SEMA5A: variants seen among roughly 807,000 people sequenced by gnomAD.
SEMA5A encodes semaphorin-5A.
SEMA5A carries 55 observed loss-of-function variants against 135.5 expected under a neutral mutation model. That is an observed-to-expected ratio of 0.41 (90% CI 0.33 to 0.51). The LOEUF is 0.51. SEMA5A is among the 20% of genes least tolerant of loss of function. The pLI, the probability that SEMA5A is intolerant of heterozygous loss-of-function variation, is 0.37. For synonymous variants in SEMA5A, 580 were observed against 546.5 expected, an observed-to-expected ratio of 1.06 and a Z score of -0.85; for missense variants, 1,290 against 1,419.9, an observed-to-expected ratio of 0.91 and a Z score of 1.47.
At chr5:9,468,456 GT>G (rs2126746896) in intron 1 of SEMA5A, among the ~76,000 whole-genome samples, 1 of 152,194 alleles carries the variant, frequency 6.6e-6, no homozygotes, top group South Asian at 2.1e-4. Flanking sequence ...CTTAGTGGGG[GT>G]TTTAATCCTT....
At chr5:9,366,175 C>T (rs991522755) in intron 3 of SEMA5A, among the ~76,000 whole-genome samples, 14 of 152,124 alleles carry the variant, frequency 9.2e-5, no homozygotes, top group Non-Finnish European at 1.8e-4. Flanking sequence ...GAATCATTTG[C>T]TTCTAGGTAG....
In SEMA5A at chr5:9,128,096, T is replaced by C. The variant is rs529736565; in HGVS notation, c.1600-5259A>G. The stretch of plus-strand genomic sequence containing the variant: ...AATGGATTTTTATGAAGAAAGTACT[T>C]TGAAAAAAAGAGGATTTGCATTCAT... On this transcript the variant is annotated intron_variant, in intron 13 of 22. Transcript: ENST00000382496. Among the ~76,000 whole-genome samples, 5 of 152,288 alleles carry C rather than the reference T, an allele frequency of 3.3e-5. 1 individual carries two copies. Among genetic ancestry groups the C allele is most frequent in the African/African-American group, 9.6e-5 (4 of 41,556 alleles).
intron 4 of SEMA5A, among the ~76,000 whole-genome samples, chr5:9,324,121 C>A (rs537872449): frequency 6.6e-6 from 1 of 151,584 alleles, no homozygotes; most frequent in South Asian, 2.1e-4. Context: ...CAGGCCAGAG[C>A]GCAGTGGTGC....
chr5:9,158,556 A>G (rs997077423), intron 11 of SEMA5A, among the ~76,000 whole-genome samples: 2 of 151,922 alleles, frequency 1.3e-5, no homozygotes, highest in Non-Finnish European at 2.9e-5. Context: ...CCCCTTCCCA[A>G]GGAGAGACGA....
chr5:9,232,950 T>A (rs1352036268), intron 6 of SEMA5A, among the ~76,000 whole-genome samples: 1 of 152,184 alleles, frequency 6.6e-6, no homozygotes, highest in Non-Finnish European at 1.5e-5. Flanking sequence ...GGTAGTATGG[T>A]GTCATGAGTT....
intron 3 of SEMA5A, among the ~76,000 whole-genome samples, chr5:9,354,131 T>C (rs1457653225): frequency 6.6e-6 from 1 of 152,154 alleles, no homozygotes; most frequent in Non-Finnish European, 1.5e-5. Context: ...CATAAGGCAA[T>C]GAGGAAAATA....
intron 10 of SEMA5A, among the ~76,000 whole-genome samples, chr5:9,191,011 G>C (rs559076402): frequency 6.6e-6 from 1 of 152,062 alleles, no homozygotes; most frequent in Non-Finnish European, 1.5e-5. Context: ...ATACTGTGCT[G>C]GCCTTACTGT....
At chr5:9,519,564 T>C (rs777074015) in intron 1 of SEMA5A, among the ~76,000 whole-genome samples, 1 of 152,240 alleles carries the variant, frequency 6.6e-6, no homozygotes, top group Non-Finnish European at 1.5e-5. Flanking sequence ...TAATTAATGC[T>C]GAAGAAAGTC....
chr5:9,369,372 T>A (rs1399860736), intron 3 of SEMA5A, among the ~76,000 whole-genome samples: 1 of 152,218 alleles, frequency 6.6e-6, no homozygotes, highest in Non-Finnish European at 1.5e-5. Flanking sequence ...ATTTATCAAA[T>A]TTTCTGGTAT....
At chr5:9,519,220 T>C (rs977071693) in intron 1 of SEMA5A, among the ~76,000 whole-genome samples, 3 of 152,248 alleles carry the variant, frequency 2.0e-5, no homozygotes, top group Non-Finnish European at 4.4e-5. Context: ...GTTGTGACTT[T>C]TTTTTAGGTG....
At chr5:9,471,220 G>T (rs775022344) in intron 1 of SEMA5A, among the ~76,000 whole-genome samples, 1 of 152,098 alleles carries the variant, frequency 6.6e-6, no homozygotes, top group African/African-American at 2.4e-5. Flanking sequence ...TAATATGAGT[G>T]TCCTGAGGAT....
intron 1 of SEMA5A, among the ~76,000 whole-genome samples, chr5:9,475,915 C>T (rs1054001673): frequency 1.3e-5 from 2 of 152,214 alleles, no homozygotes; most frequent in African/African-American, 2.4e-5. Context: ...CATTCCCAAA[C>T]TTCAACTCAT....
In SEMA5A at chr5:9,136,510, C is replaced by A; in HGVS notation, c.1593G>T (p.Ala531=). ...GGAGAAGGTGGGCACTCACCGGACA[C>A]GCAGAGATGCTCTGTTCCCACTGCG... The part of the protein sequence containing the change: ...SMTQWEQSIS[A]CPTRNLTVDG... Residue 531 remains alanine, a synonymous_variant, in exon 13 of 23, where the codon GCG becomes GCT. Coordinates refer to ENST00000382496, the MANE Select transcript of SEMA5A (RefSeq NM_003966.3). 1.2e-6 allele frequency: 2 copies of A among 1,613,722 alleles called. No homozygotes were observed. The highest frequency in any genetic ancestry group is 2.2e-5 in the South Asian group (2 of 91,064).
At chr5:9,056,270 G>C (rs1476276633) in intron 18 of SEMA5A, among the ~76,000 whole-genome samples, 3 of 152,158 alleles carry the variant, frequency 2.0e-5, no homozygotes, top group Non-Finnish European at 4.4e-5. Context: ...CAAAACCACA[G>C]TGATGTATCA....
At chr5:9,106,463 G>T (rs1552001) in intron 16 of SEMA5A, among the ~76,000 whole-genome samples, 17,524 of 152,046 alleles carry the variant, frequency 0.12, 1,560 homozygotes, top group East Asian at 0.32. Flanking sequence ...AAAAGTCAAT[G>T]AACAATGAGA....
intron 4 of SEMA5A, among the ~76,000 whole-genome samples, chr5:9,326,213 T>C (rs1752864955): frequency 6.6e-6 from 1 of 152,140 alleles, no homozygotes; most frequent in Admixed American, 6.5e-5. Flanking sequence ...ACATCCTACA[T>C]GATACGCACA....
intron 19 of SEMA5A, 58 bp downstream of exon 19, chr5:9,054,029 C>T: frequency 1.3e-6 from 2 of 1,531,096 alleles, no homozygotes; most frequent in Non-Finnish European, 1.8e-6. Flanking sequence ...ACCATTTATC[C>T]ATTAAGGAAA....
At chr5:9,102,293 C>T (rs1000871383) in intron 16 of SEMA5A, among the ~76,000 whole-genome samples, 1 of 152,166 alleles carries the variant, frequency 6.6e-6, no homozygotes, top group African/African-American at 2.4e-5. Flanking sequence ...AAGGAGGTTG[C>T]TATGCTCTTG....
Position 9,066,474 on chromosome 5 carries a change from C to T in SEMA5A, c.2246G>A (p.Arg749Lys). The T allele has an allele frequency of 6.2e-7, 1 of 1,614,242 alleles. No homozygotes were observed. Among genetic ancestry groups the T allele is most frequent in the Non-Finnish European group, 8.5e-7 (1 of 1,180,044 alleles). ...DPNLLEVGRQ[R>K]IEMRYCSSDG... is the part of the protein sequence containing the mutation. Reference sequence around the variant, plus strand: ...GCTAGAACAGTACCGCATTTCGATTCTCTGTCTTCCCACTTCCAGCAAATT... The same window carrying T: ...GCTAGAACAGTACCGCATTTCGATTTTCTGTCTTCCCACTTCCAGCAAATT... Residue 749 changes from arginine (R) to lysine (K), a missense_variant, in exon 17 of 23, where the codon AGA becomes AAA. Transcript: ENST00000382496.
Sources: allele counts gnomAD v4.1 joint callset (sites outside exome capture counted in the v4.1 genomes callset), GRCh38; gene constraint gnomAD v4.1.1; transcripts MANE v1.5; gene names NCBI Gene and HGNC (gene_info 2026-07-23, HGNC 2026-07-21).